Variants in WDR46 observed in about 807,000 individuals in gnomAD.
The protein encoded by WDR46 is WD repeat domain 46.
In WDR46, 58 loss-of-function variants were observed where a neutral mutation model predicts 74.7. The observed-to-expected ratio is 0.78, with a 90% CI of 0.63 to 0.97. The LOEUF is 0.97. Among genes scored for constraint, WDR46 ranks in the 50% least tolerant of loss-of-function variants. The pLI, the probability that WDR46 is intolerant of heterozygous loss-of-function variation, is 0.00. For synonymous variants in WDR46, 278 were observed against 297.3 expected, an observed-to-expected ratio of 0.93 and a Z score of 0.67; for missense variants, 702 against 790.1, an observed-to-expected ratio of 0.89 and a Z score of 1.34.
At position 33,279,505 on chromosome 6, in the gene WDR46, C is replaced by T; in HGVS notation, c.1726G>A (p.Glu576Lys). ...VKRKRKVMDE[E>K]HRDKVRQSLQ... ...TGCCAATGCTCATTTACCCTGTGTT[C>T]CTCATCCATGACCTTCCTCTTCCTC... Residue 576 changes from glutamate to lysine, a missense_variant, in exon 14 of 15, where the codon GAA becomes AAA. Transcript: ENST00000374617. The T allele has an allele frequency of 6.2e-7, 1 of 1,613,188 alleles. No homozygotes were observed. Among genetic ancestry groups the T allele is most frequent in the Non-Finnish European group, 8.5e-7 (1 of 1,180,042 alleles).
rs775110898 is a variant in WDR46 at position 33,288,029 on chromosome 6, G to A, written c.562-3C>T. ...TGCCGCAGATTCAAGTCAAAGTGCT[G>A]GGAAAGAGAAGAGTGAAAAAAAAGA... On this transcript the variant is annotated splice_polypyrimidine_tract_variant and splice_region_variant and intron_variant, in intron 5 of 14. Transcript: ENST00000374617. 1.9e-6 allele frequency: 3 copies of A among 1,614,116 alleles called. No individual in the cohort carries two copies. In the South Asian group the frequency reaches 3.3e-5, roughly 18 times the overall value.
chr6:33,281,835 G>A (rs1766211270), intron 10 of WDR46, among the ~76,000 whole-genome samples: 1 of 132,062 alleles, frequency 7.6e-6, no homozygotes, highest in Non-Finnish European at 1.7e-5. Flanking sequence ...TCAGAAGTTG[G>A]AGTTCCTTTT....
chr6:33,280,793 AGGG>A lies in WDR46; in HGVS notation c.1307_1309del (p.Ser436_Leu437delinsPhe). On this transcript the variant is annotated inframe_deletion, in exon 11 of 15. Transcript: ENST00000374617. ...CCGGTGGGTGAGGTAGGGCTGTTCA[AGGG>A]AGGGTGGGCTGGCCTTGCCCTGCCC... The A allele has an allele frequency of 1.2e-6, 2 of 1,614,148 alleles. No homozygotes were observed. The highest frequency in any genetic ancestry group is 8.5e-7 in the Non-Finnish European group (1 of 1,180,000).
chr6:33,285,618 G>A (rs559535562), intron 10 of WDR46, among the ~76,000 whole-genome samples: 41 of 152,042 alleles, frequency 2.7e-4, no homozygotes, highest in Non-Finnish European at 5.0e-4. Context: ...CTGCCTCCCA[G>A]GTTCAAGCAA....
chr6:33,281,562 G>A (rs1319879423), intron 10 of WDR46, among the ~76,000 whole-genome samples: 1 of 152,206 alleles, frequency 6.6e-6, no homozygotes, highest in African/African-American at 2.4e-5. Context: ...ACATGGTCAG[G>A]AAAATCAGGA....
At position 33,288,148 on chromosome 6, in the gene WDR46, C is replaced by G. The variant is rs780661200; in HGVS notation, c.561G>C (p.Lys187Asn). Residue 187 changes from lysine to asparagine, a missense_variant and splice_region_variant, in exon 5 of 15, where the codon AAG (lysine) becomes AAC (asparagine). By Grantham distance (94) the Lys-to-Asn change is moderately conservative (BLOSUM62 0). Coordinates refer to ENST00000374617, the MANE Select transcript of WDR46 (RefSeq NM_005452.6). ...GGCTCCTTTACCTCCTCAGGCTCACCTTGGCTGCACTTGCAATGTCCACAG... is the reference window on the plus strand; with the variant it reads ...GGCTCCTTTACCTCCTCAGGCTCACGTTGGCTGCACTTGCAATGTCCACAG... Reference protein sequence around the residue: ...VEAVDIASAAKHFDLNLRQFG... With the variant: ...VEAVDIASAANHFDLNLRQFG... The G allele has an allele frequency of 6.2e-7, 1 of 1,614,126 alleles. No homozygotes were observed. Among genetic ancestry groups the G allele is most frequent in the South Asian group, 1.1e-5 (1 of 91,090 alleles).
At chr6:33,280,322 C>T (rs751069490) in intron 12 of WDR46, 106 bp downstream of exon 12, 5 of 1,225,880 alleles carry the variant, frequency 4.1e-6, no homozygotes, top group Non-Finnish European at 5.8e-6. Flanking sequence ...CAGGGGGGAA[C>T]CTGACCTTCT....
At chr6:33,285,364 G>A (rs984278005) in intron 10 of WDR46, among the ~76,000 whole-genome samples, 9 of 151,802 alleles carry the variant, frequency 5.9e-5, no homozygotes, top group African/African-American at 1.9e-4. Context: ...CACCACACCC[G>A]GCTAATTTTT....
At chr6:33,286,663 G>T in intron 10 of WDR46, 132 bp downstream of exon 10, 1 of 816,182 alleles carries the variant, frequency 1.2e-6, no homozygotes, top group Non-Finnish European at 2.0e-6. Flanking sequence ...TACTTGCAAG[G>T]CCCATCCGTG....
rs1403673137 is a variant in WDR46, at chr6:33,280,290, T to TGGGGAACCTGACCTTCTCCAGCAGG, written c.1524+113_1524+137dup. 9.7e-5 allele frequency: 73 copies of TGGGGAACCTGACCTTCTCCAGCAGG among 752,022 alleles called. 1 individual carries two copies. The highest frequency in any genetic ancestry group is 5.1e-4 in the South Asian group (31 of 60,526). The allele number at this position is 752,022 out of a possible 1,614,324, so 46.6% of individuals were successfully genotyped here. Reference sequence around the variant, plus strand: ...GGGGGAACCTGACCTTCTCCAGCAGTGGGGAACCTGACCTTCTCCAGCAGG... The same window carrying TGGGGAACCTGACCTTCTCCAGCAGG: ...GGGGGAACCTGACCTTCTCCAGCAGTGGGGAACCTGACCTTCTCCAGCAGGGGGGAACCTGACCTTCTCCAGCAGG... On this transcript the variant is annotated intron_variant, in intron 12 of 14. Coordinates refer to ENST00000374617, the MANE Select transcript of WDR46 (RefSeq NM_005452.6).
At position 33,289,091 on chromosome 6, in the gene WDR46, G is replaced by A; in HGVS notation, c.69+11C>T. The A allele has an allele frequency of 6.2e-7, 1 of 1,612,036 alleles. No individual in the cohort carries two copies. The highest frequency in any genetic ancestry group is 8.5e-7 in the Non-Finnish European group (1 of 1,178,774). On this transcript the variant is annotated intron_variant, in intron 1 of 14. Transcript: ENST00000374617. ...CTAAAAACTTCGTTTCCCACCCAGGGAGGCCTCTACCTTTCTCTTGGTCTG... is the reference window on the plus strand; with the variant it reads ...CTAAAAACTTCGTTTCCCACCCAGGAAGGCCTCTACCTTTCTCTTGGTCTG...
Position 33,288,439 on chromosome 6 carries a change from CG to C in WDR46, c.391del (p.Arg131AspfsTer61), listed in dbSNP as rs1562636320. Reference protein sequence around the residue: ...LPHSKAKTRSRLEVAEAEEEE... With the variant: ...LPHSKAKTRSXLEVAEAEEEE... ...TTCCTCAGCTTCAGCCACCTCAAGT[CG>C]GCTTCGAGTTTTGGCTTTAGAATGT... On this transcript the variant is annotated frameshift_variant, in exon 4 of 15. Coordinates refer to ENST00000374617, the MANE Select transcript of WDR46 (RefSeq NM_005452.6). LOFTEE classifies it high-confidence loss of function. 2.5e-6 allele frequency: 4 copies of C among 1,614,144 alleles called. No homozygotes were observed. In the South Asian group the frequency reaches 4.4e-5, roughly 18 times the overall value.
rs141041691 is a variant in WDR46, at chr6:33,283,264, C to T, written c.1116-2277G>A. Among the ~76,000 whole-genome samples the T allele has an allele frequency of 1.9e-3, 288 of 151,706 alleles. 4 individuals are homozygous for T. The highest frequency in any genetic ancestry group is 5.1e-3 in the African/African-American group (210 of 41,376). Reference sequence around the variant, plus strand: ...GGGAGCGGGTGGTGGGGGGGGTGGTCCCAGCATCCTGGAGACTTTGAATAA... The same window carrying T: ...GGGAGCGGGTGGTGGGGGGGGTGGTTCCAGCATCCTGGAGACTTTGAATAA... On this transcript the variant is annotated intron_variant, in intron 10 of 14. Transcript: ENST00000374617.
At chr6:33,283,830 G>A (rs1193239138) in intron 10 of WDR46, among the ~76,000 whole-genome samples, 4 of 152,104 alleles carry the variant, frequency 2.6e-5, no homozygotes, top group Non-Finnish European at 4.4e-5. Context: ...CCTAGGAGGC[G>A]GAGGTTGTAA....
chr6:33,287,585 A>AACTGACCGCTGACAGTGAGGCC (rs1766777754), intron 7 of WDR46, 29 bp downstream of exon 7: 1 of 1,613,570 alleles, frequency 6.2e-7, no homozygotes, highest in Non-Finnish European at 8.5e-7. Flanking sequence ...ATCTCACCCC[A>AACTGACCGCTGACAGTGAGGCC]ACTGACCGCT....
Position 33,289,196 on chromosome 6 carries a change from G to A in WDR46, c.-26C>T. On this transcript the variant is annotated 5_prime_UTR_variant, in exon 1 of 15. It adds an upstream start codon to the 5' untranslated region. Transcript: ENST00000374617. ...CTCGCCCACCCGAACGGCGATCCAC[G>A]TGCAAAACTCCTCTCAGCTGCCACA... The A allele has an allele frequency of 2.5e-6, 4 of 1,601,726 alleles. No homozygotes were observed. Among genetic ancestry groups the A allele is most frequent in the East Asian group, 4.5e-5 (2 of 44,708 alleles).
Position 33,287,136 on chromosome 6 carries a change from T to C in WDR46, c.970A>G (p.Ser324Gly). Residue 324 changes from serine to glycine, a missense_variant, in exon 9 of 15, where the codon AGT becomes GGT. Physicochemically the swap from Ser to Gly is moderately conservative, Grantham distance 56 (BLOSUM62 0). Transcript: ENST00000374617. ...ATGACGGCATTGTAAGGGTTCTGACTCATAACATCGAGCCGCCCAGCTCGA... is the reference window on the plus strand; with the variant it reads ...ATGACGGCATTGTAAGGGTTCTGACCCATAACATCGAGCCGCCCAGCTCGA... Reference protein sequence around the residue: ...NARAGRLDVMSQNPYNAVIHL... With the variant: ...NARAGRLDVMGQNPYNAVIHL... 1 of 1,613,994 alleles carries C rather than the reference T, an allele frequency of 6.2e-7. No homozygotes were observed.
At position 33,288,174 on chromosome 6, in the gene WDR46, C is replaced by A; in HGVS notation, c.535G>T (p.Ala179Ser). The A allele has an allele frequency of 1.2e-6, 2 of 1,614,252 alleles. No homozygotes were observed. Among genetic ancestry groups the A allele is most frequent in the Non-Finnish European group, 1.7e-6 (2 of 1,180,046 alleles). The change falls in exon 5 of 15, where the codon GCT (alanine) becomes TCT (serine). Residue 179 changes from alanine to serine, a missense_variant. Transcript: ENST00000374617. ...AKICQADIVEAVDIASAAKHF... is the reference protein window; with the variant it reads ...AKICQADIVESVDIASAAKHF... The stretch of plus-strand genomic sequence containing the variant: ...TTGGCTGCACTTGCAATGTCCACAG[C>A]CTCCACAATGTCAGCCTGGCATATC...
intron 13 of WDR46, 39 bp downstream of exon 13, chr6:33,279,725 G>T: frequency 6.2e-7 from 1 of 1,613,064 alleles, no homozygotes; most frequent in Non-Finnish European, 8.5e-7. Context: ...GGATGTGGGG[G>T]AGAAGACGGG....
Sources: allele counts gnomAD v4.1 joint callset (sites outside exome capture counted in the v4.1 genomes callset), GRCh38; gene constraint gnomAD v4.1.1; transcripts MANE v1.5; gene names NCBI Gene and HGNC (gene_info 2026-07-23, HGNC 2026-07-21).